Variants in GRM7 observed in about 807,000 individuals in gnomAD.
GRM7 encodes glutamate metabotropic receptor 7, also known as metabotropic glutamate receptor 7.
In GRM7, 35 loss-of-function variants were observed where a neutral mutation model predicts 84.5. The ratio of observed to expected loss-of-function variants is 0.41; its 90% CI spans 0.32 to 0.55. The LOEUF is 0.55. Ranked by LOEUF, GRM7 falls within the 20% of genes least tolerant of loss-of-function variation. GRM7 has a pLI of 0.19. For missense variants in GRM7, 1,003 were observed against 1,194.6 expected (o/e 0.84, Z 2.36); for synonymous variants, 487 against 455.1 (o/e 1.07, Z -0.89).
intron 8 of GRM7, among the ~76,000 whole-genome samples, chr3:7,658,350 G>A (rs541721551): frequency 2.0e-4 from 30 of 152,270 alleles, no homozygotes; most frequent in African/African-American, 6.0e-4. Context: ...AGATGATTGC[G>A]TGAAACTTGA....
rs991639429 is a variant in GRM7 at position 7,188,352 on chromosome 3, A to G, written c.736+41684A>G. ...TTATATAATATAATCTGTAATTAAA[A>G]CTTTAGTCTGACAATAAGATTCTAG... On this transcript the variant is annotated intron_variant, in intron 2 of 9. Transcript: ENST00000357716. This position sits in a 1 kb window ranked among gnomAD's most constrained non-coding sequence, Gnocchi z 4.2. 6.6e-6 allele frequency among the ~76,000 whole-genome samples: 1 copy of G among 152,176 alleles called. No homozygotes were observed. The highest frequency in any genetic ancestry group is 1.5e-5 in the Non-Finnish European group (1 of 68,038).
chr3:7,063,671 C>A (rs1488018161), intron 1 of GRM7, among the ~76,000 whole-genome samples: 3 of 151,650 alleles, frequency 2.0e-5, no homozygotes, highest in Non-Finnish European at 4.4e-5. Flanking sequence ...AACACATACA[C>A]CAACTGGAAA....
intron 9 of GRM7, among the ~76,000 whole-genome samples, chr3:7,693,880 A>C (rs989861445): frequency 2.0e-5 from 3 of 152,210 alleles, no homozygotes; most frequent in Non-Finnish European, 4.4e-5. Flanking sequence ...AGATGTCTTG[A>C]GATCATGGCC....
chr3:7,120,494 A>G (rs1277247656), intron 1 of GRM7, among the ~76,000 whole-genome samples: 1 of 152,172 alleles, frequency 6.6e-6, no homozygotes, highest in Non-Finnish European at 1.5e-5. Flanking sequence ...CTACAAAAAC[A>G]TTTTGTATCA....
rs140798382 is a variant in GRM7, at chr3:7,081,830, C to T, written c.520-64622C>T. Among the ~76,000 whole-genome samples the T allele has an allele frequency of 5.7e-3, 863 of 152,142 alleles. 8 individuals carry two copies. The highest frequency in any genetic ancestry group is 0.019 in the African/African-American group (803 of 41,538). On this transcript the variant is annotated intron_variant, in intron 1 of 9. Coordinates refer to ENST00000357716, the MANE Select transcript of GRM7 (RefSeq NM_000844.4). ...TGAGTGGTGTGGATAGAAAATCCAA[C>T]CAGCCACAACACTCCCTTAAGCCAA... is the stretch of plus-strand genomic sequence containing the variant.
At chr3:7,400,058 T>G (rs1242114479) in intron 4 of GRM7, among the ~76,000 whole-genome samples, 11 of 152,208 alleles carry the variant, frequency 7.2e-5, no homozygotes, top group Admixed American at 7.2e-4. Flanking sequence ...GCTCAATATT[T>G]GCAACATCTC....
chr3:7,173,860 G>A (rs1367274764), intron 2 of GRM7, among the ~76,000 whole-genome samples: 3 of 152,102 alleles, frequency 2.0e-5, no homozygotes, highest in African/African-American at 7.2e-5. Flanking sequence ...TTTCTGTGTG[G>A]TCTTTATCCC....
At chr3:7,500,750 C>T (rs756102211) in intron 7 of GRM7, among the ~76,000 whole-genome samples, 3 of 152,272 alleles carry the variant, frequency 2.0e-5, no homozygotes, top group South Asian at 2.1e-4. Context: ...GGTCAGTGAA[C>T]CTTTATCAAG....
At chr3:7,688,863 C>T (rs1700685588) in intron 9 of GRM7, among the ~76,000 whole-genome samples, 2 of 152,174 alleles carry the variant, frequency 1.3e-5, no homozygotes, top group Non-Finnish European at 1.5e-5. Context: ...TCAGATGGAA[C>T]ATAACCTAAG....
chr3:6,862,629 C>T lies in GRM7; in HGVS notation c.519+722C>T. 1 of 213,340 alleles carries T rather than the reference C, an allele frequency of 4.7e-6. No individual in the cohort carries two copies. The highest frequency in any genetic ancestry group is 9.5e-6 in the Non-Finnish European group (1 of 105,700). 13.2% of individuals were successfully genotyped at this position (213,340 alleles called of 1,614,324 possible). Reference sequence around the variant, plus strand: ...TGTGCGATCCGGCCACTGGCCGGAGCTGGGCGATCAGCTTTCCACTCCTGC... The same window carrying T: ...TGTGCGATCCGGCCACTGGCCGGAGTTGGGCGATCAGCTTTCCACTCCTGC... On this transcript the variant is annotated intron_variant, in intron 1 of 9. Transcript: ENST00000357716. This position sits in a 1 kb window ranked among gnomAD's most constrained non-coding sequence, Gnocchi z 5.2.
chr3:7,698,340 GC>G (rs1460045449), intron 9 of GRM7, among the ~76,000 whole-genome samples: 15 of 152,188 alleles, frequency 9.9e-5, no homozygotes, highest in Non-Finnish European at 1.6e-4. Context: ...CCATGCACCA[GC>G]CACTATTCTG....
chr3:7,689,705 A>G (rs1377400199), intron 9 of GRM7, among the ~76,000 whole-genome samples: 3 of 152,234 alleles, frequency 2.0e-5, no homozygotes, highest in Admixed American at 6.6e-5. Context: ...TGTACACATC[A>G]TATCTCAAAG....
intron 2 of GRM7, among the ~76,000 whole-genome samples, chr3:7,205,660 G>C (rs1007525926): frequency 2.6e-5 from 4 of 152,192 alleles, no homozygotes; most frequent in Non-Finnish European, 5.9e-5. Flanking sequence ...AAGCTGTTCA[G>C]TACAGTGTCT....
chr3:7,060,013 G>T (rs1304945282), intron 1 of GRM7, among the ~76,000 whole-genome samples: 1 of 151,958 alleles, frequency 6.6e-6, no homozygotes, highest in Non-Finnish European at 1.5e-5. Flanking sequence ...TCCAGGCGAA[G>T]TCCAAAGGCT....
intron 4 of GRM7, among the ~76,000 whole-genome samples, chr3:7,332,019 G>A (rs1023261713): frequency 7.2e-5 from 11 of 152,160 alleles, no homozygotes; most frequent in East Asian, 3.9e-4. Flanking sequence ...GGTAGGAAAC[G>A]GTCAAGTTAT....
chr3:7,467,113 G>A (rs533496798), intron 7 of GRM7, among the ~76,000 whole-genome samples: 3 of 152,036 alleles, frequency 2.0e-5, no homozygotes, highest in East Asian at 3.9e-4. Flanking sequence ...TTTTTGAGAC[G>A]GAGTCGCTCT....
At position 7,578,616 on chromosome 3, in the gene GRM7, T is replaced by C. The variant is rs1299491273; in HGVS notation, c.1710T>C (p.Asn570=). 6 of 1,613,880 alleles carry C rather than the reference T, an allele frequency of 3.7e-6. No individual in the cohort carries two copies. The Admixed American group carries it at 1.0e-4, about 27-fold the overall frequency. ...CQHCPYDQRP[N]ENRTGCQDIP... ...ATTGCCCCTATGACCAGAGGCCCAA[T>C]GAAAATCGAACCGGATGCCAGGATA... is the stretch of plus-strand genomic sequence containing the variant. The change falls in exon 8 of 10, where the codon AAT becomes AAC. Residue 570 remains asparagine, a synonymous_variant. Transcript: ENST00000357716.
chr3:7,682,556 ACACACACACACACAC>A (rs950631470), intron 9 of GRM7, among the ~76,000 whole-genome samples: 8 of 99,082 alleles, frequency 8.1e-5, no homozygotes, highest in Admixed American at 1.0e-4. Flanking sequence ...ACACACACAC[ACACACACACACACAC>A]ATTTAACTAG....
chr3:7,736,575 C>G (rs1702507266), intron 9 of GRM7, among the ~76,000 whole-genome samples: 1 of 152,112 alleles, frequency 6.6e-6, no homozygotes, highest in African/African-American at 2.4e-5. Flanking sequence ...ACACAGAAAT[C>G]CATATAGCTA....
Sources: allele counts gnomAD v4.1 joint callset (sites outside exome capture counted in the v4.1 genomes callset), GRCh38; gene constraint gnomAD v4.1.1; non-coding constraint Gnocchi (gnomAD v3.1); transcripts MANE v1.5; gene names NCBI Gene and HGNC (gene_info 2026-07-23, HGNC 2026-07-21).